The following SHANK2 variants were observed in gnomAD, a reference collection of about 807,000 sequenced individuals.
SHANK2 encodes SH3 and multiple ankyrin repeat domains 2.
SHANK2 carries 43 observed loss-of-function variants against 133.7 expected under a neutral mutation model. That is an observed-to-expected ratio of 0.32 (90% CI 0.25 to 0.41). The LOEUF (loss-of-function observed/expected upper bound fraction) is 0.41, where lower values mean the gene tolerates loss of function less well. Ranked by LOEUF, SHANK2 falls within the 10% of genes least tolerant of loss-of-function variation. The probability of loss-of-function intolerance (pLI) is 1.00; values close to 1 mark genes in which losing one functional copy is unlikely to be tolerated. For synonymous variants in SHANK2, 1,017 were observed against 952.8 expected (o/e 1.07, Z -1.24); for missense variants, 1,994 against 2,235.8 (o/e 0.89, Z 2.18).
Position 70,823,997 on chromosome 11 carries a change from C to T in SHANK2, c.1175-3315G>A, listed in dbSNP as rs182175197. On this transcript the variant is annotated intron_variant, in intron 11 of 25. Transcript: ENST00000601538. The stretch of plus-strand genomic sequence containing the variant: ...CCAAGGACAGAGGTGGTGCTGGCAG[C>T]GCTCACAAGGGACACATGTGGTGCT... 7.7e-5 allele frequency among the ~76,000 whole-genome samples: 11 copies of T among 143,584 alleles called. No individual in the cohort carries two copies. In the East Asian group the frequency reaches 1.8e-3, roughly 24 times the overall value. The allele number at this position is 143,584 out of a possible 152,430, so 94.2% of individuals were successfully genotyped here. A position where few individuals can be genotyped will look rare whatever the true frequency, so the allele number is the denominator to read the frequency against.
chr11:71,167,961 G>A lies in SHANK2; in HGVS notation c.-12-20623C>T, dbSNP rs555926420. On this transcript the variant is annotated intron_variant, in intron 2 of 25. Coordinates refer to ENST00000601538, the MANE Select transcript of SHANK2 (RefSeq NM_012309.5). ...CTCCCTGCCGGACGAGGTGGCTGCC[G>A]GGCAGAGAAGCTCCTCACTTCCCAG... Among the ~76,000 whole-genome samples the A allele has an allele frequency of 1.0e-3, 147 of 145,528 alleles. 5 individuals carry two copies. Among genetic ancestry groups the A allele is most frequent in the Non-Finnish European group, 4.5e-4 (30 of 65,998 alleles).
chr11:70,757,385 C>T (rs1336794551), intron 14 of SHANK2, among the ~76,000 whole-genome samples: 1 of 152,240 alleles, frequency 6.6e-6, no homozygotes, highest in Non-Finnish European at 1.5e-5. Context: ...GAAAGTCCTG[C>T]CCGCAGGGCT....
intron 2 of SHANK2, among the ~76,000 whole-genome samples, chr11:71,218,875 G>T (rs1224703119): frequency 6.6e-6 from 1 of 152,206 alleles, no homozygotes; most frequent in African/African-American, 2.4e-5. Flanking sequence ...TGGAGACTGT[G>T]CCTGAATGCC....
intron 17 of SHANK2, among the ~76,000 whole-genome samples, chr11:70,629,618 A>T (rs550232768): frequency 6.6e-6 from 1 of 152,232 alleles, no homozygotes; most frequent in East Asian, 1.9e-4. Context: ...CTGCTGCCAC[A>T]GCCGCTACTG....
chr11:71,217,260 C>T (rs1405232849), intron 2 of SHANK2, among the ~76,000 whole-genome samples: 1 of 151,964 alleles, frequency 6.6e-6, no homozygotes, highest in African/African-American at 2.4e-5. Flanking sequence ...AATCCCAGCA[C>T]TTCGGGATGC....
At chr11:71,113,127 T>C (rs1018621796) in intron 5 of SHANK2, among the ~76,000 whole-genome samples, 166 bp downstream of exon 5, 2 of 152,174 alleles carry the variant, frequency 1.3e-5, no homozygotes, top group African/African-American at 4.8e-5. Context: ...GTCTCCGCAG[T>C]GTGCACCGTA....
At chr11:70,836,052 G>A (rs1410848781) in intron 11 of SHANK2, among the ~76,000 whole-genome samples, 2 of 152,212 alleles carry the variant, frequency 1.3e-5, no homozygotes, top group African/African-American at 4.8e-5. Flanking sequence ...CAAGGTGCAG[G>A]AGGGACTCCT....
Position 70,953,016 on chromosome 11 carries a change from C to A in SHANK2, c.1108-56449G>T, listed in dbSNP as rs77749136. Among the ~76,000 whole-genome samples, 1,038 of 152,214 alleles carry A rather than the reference C, an allele frequency of 6.8e-3. 6 individuals are homozygous for A. Among genetic ancestry groups the A allele is most frequent in the South Asian group, 0.011 (51 of 4,810 alleles). Reference sequence around the variant, plus strand: ...CCATCTGATCTCTGCCCCCATCCCACGTCCCAATCCCACCGCCTCCACCTT... The same window carrying A: ...CCATCTGATCTCTGCCCCCATCCCAAGTCCCAATCCCACCGCCTCCACCTT... On this transcript the variant is annotated intron_variant, in intron 10 of 25. Coordinates refer to ENST00000601538, the MANE Select transcript of SHANK2 (RefSeq NM_012309.5).
intron 2 of SHANK2, among the ~76,000 whole-genome samples, chr11:71,200,392 T>G (rs951636034): frequency 6.6e-5 from 10 of 152,234 alleles, no homozygotes; most frequent in African/African-American, 1.7e-4. Context: ...ATTCCAGTTT[T>G]GGGCTATTAT....
At chr11:70,531,187 A>C (rs1345627405) in intron 17 of SHANK2, among the ~76,000 whole-genome samples, 3 of 149,266 alleles carry the variant, frequency 2.0e-5, no homozygotes, top group Non-Finnish European at 4.5e-5. Context: ...AAAAACAAAA[A>C]GGCTAAGATT....
intron 14 of SHANK2, among the ~76,000 whole-genome samples, chr11:70,712,955 C>T (rs989165189): frequency 2.4e-4 from 36 of 152,258 alleles, no homozygotes; most frequent in African/African-American, 8.0e-4. Context: ...TGGCGTGTGT[C>T]ATCCGCCCTG....
chr11:70,760,901 C>G (rs562066834), intron 14 of SHANK2, among the ~76,000 whole-genome samples: 1 of 152,150 alleles, frequency 6.6e-6, no homozygotes, highest in African/African-American at 2.4e-5. Flanking sequence ...CAGCAGGAGG[C>G]GGGTCCAGAG....
At chr11:71,230,919 A>T (rs1345916094) in intron 1 of SHANK2, among the ~76,000 whole-genome samples, 16 of 152,378 alleles carry the variant, frequency 1.1e-4, no homozygotes, top group African/African-American at 3.8e-4. Flanking sequence ...ACAAAAATTA[A>T]TTCAAAATGA....
intron 4 of SHANK2, among the ~76,000 whole-genome samples, chr11:71,116,862 C>A (rs990551103): frequency 3.3e-5 from 5 of 152,132 alleles, no homozygotes; most frequent in East Asian, 1.9e-4. Flanking sequence ...TCTCACACCC[C>A]CTCTTGCCAC....
intron 14 of SHANK2, among the ~76,000 whole-genome samples, chr11:70,709,844 G>A (rs1482341953): frequency 1.3e-5 from 2 of 151,882 alleles, no homozygotes; most frequent in African/African-American, 2.4e-5. Context: ...GAGAGAAGAG[G>A]AGCCAGCCGC....
At chr11:71,148,073 C>A (rs1352613644) in intron 2 of SHANK2, among the ~76,000 whole-genome samples, 2 of 147,336 alleles carry the variant, frequency 1.4e-5, no homozygotes, top group Non-Finnish European at 3.0e-5. Context: ...CACCTTAGAC[C>A]AAGGCTTCTT....
chr11:70,697,443 C>T (rs969425045), intron 15 of SHANK2, among the ~76,000 whole-genome samples: 5 of 152,104 alleles, frequency 3.3e-5, no homozygotes, highest in Admixed American at 3.3e-4. Flanking sequence ...CCGAGGCAGG[C>T]AGAGCCCACA....
At chr11:71,140,323 C>A (rs1952531007) in intron 3 of SHANK2, among the ~76,000 whole-genome samples, 1 of 152,216 alleles carries the variant, frequency 6.6e-6, no homozygotes, top group African/African-American at 2.4e-5. Context: ...TAGGTTAAAT[C>A]TGGGCTGGAG....
chr11:70,612,791 T>C (rs1372701956), intron 17 of SHANK2, among the ~76,000 whole-genome samples: 1 of 152,228 alleles, frequency 6.6e-6, no homozygotes, highest in East Asian at 1.9e-4. Context: ...AGATATCATT[T>C]TGGCCTTTTT....
Sources: gnomAD v4.1 joint callset for allele counts (sites outside exome capture counted in the v4.1 genomes callset) on GRCh38, gnomAD v4.1.1 for gene constraint, MANE v1.5 for transcripts, NCBI Gene and HGNC (gene_info 2026-07-23, HGNC 2026-07-21) for gene names.